The following CENPQ variants were observed in gnomAD, a reference collection of about 807,000 sequenced individuals.
The protein encoded by CENPQ is centromere protein Q, also known as chromosome 6 open reading frame 139.
Under a neutral mutation model 36.6 loss-of-function variants are expected in CENPQ, and 27 were observed. The ratio of observed to expected loss-of-function variants is 0.74; its 90% CI spans 0.54 to 1.02. CENPQ has a LOEUF of 1.02. Ranked by LOEUF, CENPQ falls within the 50% of genes least tolerant of loss-of-function variation. The pLI is 0.00. For synonymous variants in CENPQ, 101 were observed against 101.7 expected (o/e 0.99, Z 0.04); for missense variants, 306 against 301.8 (o/e 1.01, Z -0.10).
chr6:49,465,935 G>T (rs1767989960), intron 1 of CENPQ, among the ~76,000 whole-genome samples: 1 of 152,198 alleles, frequency 6.6e-6, no homozygotes, highest in Non-Finnish European at 1.5e-5. Context: ...TGGCTAACTG[G>T]TGTAGTTTCC....
At chr6:49,473,727 A>G (rs1019143091) in intron 5 of CENPQ, among the ~76,000 whole-genome samples, 2 of 152,200 alleles carry the variant, frequency 1.3e-5, no homozygotes, top group Non-Finnish European at 2.9e-5. Context: ...CAGACTGGCA[A>G]ATTGGATAGA....
Position 49,470,177 on chromosome 6 carries a change from ATGTC to A in CENPQ, c.4_7del (p.Ser2_?3), listed in dbSNP as rs1768094144. On this transcript the variant is annotated frameshift_variant and start_lost, in exon 2 of 9. Coordinates refer to ENST00000335783, the MANE Select transcript of CENPQ (RefSeq NM_018132.4). LOFTEE classifies it high-confidence loss of function. Reference sequence around the variant, plus strand: ...TTCGAAGCACTGTGTTTAGATCAAGATGTCTGGTAAAGCAAATGCTTCCAAGAAA... The same window carrying A: ...TTCGAAGCACTGTGTTTAGATCAAGATGGTAAAGCAAATGCTTCCAAGAAA... 1.3e-6 allele frequency: 2 copies of A among 1,574,854 alleles called. No homozygotes were observed. Among genetic ancestry groups the A allele is most frequent in the East Asian group, 2.3e-5 (1 of 44,372 alleles).
intron 5 of CENPQ, among the ~76,000 whole-genome samples, chr6:49,474,220 C>T (rs1768217742): frequency 6.6e-6 from 1 of 152,136 alleles, no homozygotes; most frequent in Non-Finnish European, 1.5e-5. Flanking sequence ...ATATATTCTT[C>T]TAAGCACCAC....
chr6:49,464,903 A>T (rs1372632408), intron 1 of CENPQ, among the ~76,000 whole-genome samples: 1 of 152,192 alleles, frequency 6.6e-6, no homozygotes, highest in East Asian at 1.9e-4. Context: ...GTTAATGTTG[A>T]TATTTTGACC....
chr6:49,468,322 G>A (rs1768051052), intron 1 of CENPQ, among the ~76,000 whole-genome samples: 1 of 152,074 alleles, frequency 6.6e-6, no homozygotes, highest in African/African-American at 2.4e-5. Context: ...GCCGGGCTCA[G>A]TGGCTCACGC....
chr6:49,487,454 TAAAA>T (rs759527083), intron 6 of CENPQ, among the ~76,000 whole-genome samples: 53 of 93,288 alleles, frequency 5.7e-4, no homozygotes, highest in Middle Eastern at 0.019. Context: ...TACCCTTTCT[TAAAA>T]AAAAAAAAAA....
At chr6:49,489,476 C>T (rs1263929462) in intron 8 of CENPQ, among the ~76,000 whole-genome samples, 1 of 152,176 alleles carries the variant, frequency 6.6e-6, no homozygotes, top group African/African-American at 2.4e-5. Context: ...TTCTCAAAGT[C>T]ATCCATGAGG....
intron 1 of CENPQ, among the ~76,000 whole-genome samples, chr6:49,468,252 G>T (rs1289478677): frequency 6.6e-6 from 1 of 152,040 alleles, no homozygotes; most frequent in South Asian, 2.1e-4. Context: ...TGGGGTTTCA[G>T]TTCCTCTCGG....
chr6:49,488,560 A>G (rs1315661172), intron 7 of CENPQ, 47 bp from the exon 8 acceptor site: 2 of 1,594,864 alleles, frequency 1.3e-6, no homozygotes, highest in South Asian at 1.1e-5. Context: ...TAATATGATG[A>G]GAGAAATCAG....
At chr6:49,488,992 C>T (rs1768657372) in intron 8 of CENPQ, among the ~76,000 whole-genome samples, 1 of 152,014 alleles carries the variant, frequency 6.6e-6, no homozygotes, top group African/African-American at 2.4e-5. Flanking sequence ...GGTCTTGCCT[C>T]AATGTTGATG....
rs1027539716 is a variant in CENPQ, at chr6:49,481,989, G to A, written c.477+909G>A. 6.4e-4 allele frequency among the ~76,000 whole-genome samples: 97 copies of A among 152,258 alleles called. 1 individual carries two copies. Among genetic ancestry groups the A allele is most frequent in the South Asian group, 4.1e-4 (2 of 4,834 alleles). ...CCCCACAGGGAGGCAGCTAAGGCCCGGCGACAAATTGAGCGCAGGGCCGGT... is the reference window on the plus strand; with the variant it reads ...CCCCACAGGGAGGCAGCTAAGGCCCAGCGACAAATTGAGCGCAGGGCCGGT... On this transcript the variant is annotated intron_variant, in intron 6 of 8. Coordinates refer to ENST00000335783, the MANE Select transcript of CENPQ (RefSeq NM_018132.4).
chr6:49,483,773 G>T (rs1012911984), intron 6 of CENPQ, among the ~76,000 whole-genome samples: 4 of 152,232 alleles, frequency 2.6e-5, no homozygotes, highest in African/African-American at 9.6e-5. Flanking sequence ...ACCGGGCGCA[G>T]CCCCGGTTCC....
chr6:49,463,679 C>T (rs59275670), intron 1 of CENPQ, among the ~76,000 whole-genome samples: 76 of 152,248 alleles, frequency 5.0e-4, no homozygotes, highest in East Asian at 4.6e-3. Context: ...CTATTTCTCC[C>T]GAATCATCCT....
At chr6:49,490,043 T>C (rs539758532) in intron 8 of CENPQ, among the ~76,000 whole-genome samples, 1 of 152,342 alleles carries the variant, frequency 6.6e-6, no homozygotes, top group African/African-American at 2.4e-5. Context: ...CCAGCTGCAT[T>C]AGCCCCTAAC....
chr6:49,472,599 C>A (rs1384365160), intron 4 of CENPQ, among the ~76,000 whole-genome samples, 191 bp from the exon 5 acceptor site: 1 of 151,884 alleles, frequency 6.6e-6, no homozygotes, highest in Non-Finnish European at 1.5e-5. Flanking sequence ...TACAGTGTGG[C>A]AAAATATATA....
At chr6:49,476,483 T>C (rs567468389) in intron 5 of CENPQ, among the ~76,000 whole-genome samples, 48 of 152,218 alleles carry the variant, frequency 3.2e-4, no homozygotes, top group African/African-American at 1.1e-3. Context: ...GAAGAAAACA[T>C]AGGCAATACC....
chr6:49,491,933 C>A (rs564910262), intron 8 of CENPQ, among the ~76,000 whole-genome samples: 1 of 152,124 alleles, frequency 6.6e-6, no homozygotes, highest in South Asian at 2.1e-4. Flanking sequence ...CAAAAACAAA[C>A]AAACAAACAA....
At chr6:49,485,208 T>C (rs1181575140) in intron 6 of CENPQ, among the ~76,000 whole-genome samples, 3 of 152,226 alleles carry the variant, frequency 2.0e-5, no homozygotes, top group African/African-American at 7.2e-5. Context: ...TTTTTCTCAC[T>C]GCAGCCTAGA....
In CENPQ at chr6:49,465,473, G is replaced by T. The variant is rs1467774804; in HGVS notation, c.-19+2020G>T. ...CAGGCAATGACTTCTTTCTAGATAT[G>T]AAAGTCCTAGATAGCATCTTCCAAT... On this transcript the variant is annotated intron_variant, in intron 1 of 8. Transcript: ENST00000335783. Among the ~76,000 whole-genome samples the T allele has an allele frequency of 3.9e-5, 6 of 152,214 alleles. No individual in the cohort carries two copies. The East Asian group carries it at 1.2e-3, about 29-fold the overall frequency.
Sources: gnomAD v4.1 joint callset for allele counts (sites outside exome capture counted in the v4.1 genomes callset) on GRCh38, gnomAD v4.1.1 for gene constraint, MANE v1.5 for transcripts, NCBI Gene and HGNC (gene_info 2026-07-23, HGNC 2026-07-21) for gene names.